CDK5RAP2: variants seen among roughly 807,000 people sequenced by gnomAD.
CDK5RAP2 encodes the protein CDK5 regulatory subunit associated protein 2, also known as CDK5 regulatory subunit-associated protein 2.
Under a neutral mutation model 232.9 loss-of-function variants are expected in CDK5RAP2, and 147 were observed. The ratio of observed to expected loss-of-function variants is 0.63; its 90% CI spans 0.55 to 0.72. The LOEUF (loss-of-function observed/expected upper bound fraction) is 0.72, where lower values mean the gene tolerates loss of function less well. CDK5RAP2 is among the 30% of genes least tolerant of loss of function. The pLI, the probability that CDK5RAP2 is intolerant of heterozygous loss-of-function variation, is 0.00. For missense variants in CDK5RAP2, 2,195 were observed against 2,231.5 expected, an observed-to-expected ratio of 0.98 and a Z score of 0.33; for synonymous variants, 833 against 833.7, an observed-to-expected ratio of 1.00 and a Z score of 0.01.
rs183505924 is a variant in CDK5RAP2 at position 120,552,652 on chromosome 9, A to T, written c.196-1750T>A. ...GGTGGGAATTGAACAATGAGAACAC[A>T]TGGACACAGGAAGGGGAACATCACA... On this transcript the variant is annotated intron_variant, in intron 3 of 37. Coordinates refer to ENST00000349780, the MANE Select transcript of CDK5RAP2 (RefSeq NM_018249.6). 9.2e-3 allele frequency among the ~76,000 whole-genome samples: 1,249 copies of T among 136,208 alleles called. 20 individuals carry two copies. Among genetic ancestry groups the T allele is most frequent in the African/African-American group, 0.032 (1,164 of 36,088 alleles). The allele number at this position is 136,208 out of a possible 152,430, so 89.4% of individuals were successfully genotyped here.
intron 12 of CDK5RAP2, among the ~76,000 whole-genome samples, chr9:120,507,871 C>T (rs1354677499): frequency 8.0e-6 from 1 of 125,786 alleles, no homozygotes; most frequent in Admixed American, 1.0e-4. Flanking sequence ...TGAGAGCTGC[C>T]TCTGCATGGC....
rs547520946 is a variant in CDK5RAP2, at chr9:120,388,983, C to T, written c.*253G>A. ...CCCACCAAGGCGCACAGCCTCAACT[C>T]CGGTGCCTGCCCCTGATCTGAAATA... On this transcript the variant is annotated 3_prime_UTR_variant, in exon 38 of 38. Transcript: ENST00000349780. 36 of 578,992 alleles carry T rather than the reference C, an allele frequency of 6.2e-5. No individual in the cohort carries two copies. Among genetic ancestry groups the T allele is most frequent in the Middle Eastern group, 9.2e-4 (2 of 2,180 alleles). 35.9% of individuals were successfully genotyped at this position (578,992 alleles called of 1,614,324 possible).
intron 22 of CDK5RAP2, among the ~76,000 whole-genome samples, chr9:120,446,054 C>T (rs2036169065): frequency 6.6e-6 from 1 of 152,166 alleles, no homozygotes; most frequent in African/African-American, 2.4e-5. Flanking sequence ...GGTTGGACTA[C>T]CTTTCTTAAA....
intron 11 of CDK5RAP2, among the ~76,000 whole-genome samples, chr9:120,520,654 A>G (rs1449513303): frequency 1.3e-5 from 2 of 151,010 alleles, no homozygotes; most frequent in African/African-American, 4.8e-5. Context: ...AAAAATATAT[A>G]TATATCTCTC....
intron 13 of CDK5RAP2, among the ~76,000 whole-genome samples, chr9:120,489,192 G>A (rs373118481): frequency 1.3e-5 from 2 of 152,142 alleles, no homozygotes; most frequent in East Asian, 3.9e-4. Flanking sequence ...TTCCAATGTT[G>A]CTGCTGAGAA....
intron 25 of CDK5RAP2, among the ~76,000 whole-genome samples, chr9:120,433,004 G>A (rs2035372873): frequency 6.6e-6 from 1 of 152,188 alleles, no homozygotes; most frequent in Non-Finnish European, 1.5e-5. Flanking sequence ...GGAAAAGTCA[G>A]GTACTCCTAT....
chr9:120,434,188 G>A (rs531840367), intron 25 of CDK5RAP2, among the ~76,000 whole-genome samples: 1 of 152,314 alleles, frequency 6.6e-6, no homozygotes, highest in South Asian at 2.1e-4. Context: ...AGCTGTCAAA[G>A]AGCACCTCGT....
chr9:120,423,990 T>C (rs534179931), intron 25 of CDK5RAP2, among the ~76,000 whole-genome samples: 3 of 152,302 alleles, frequency 2.0e-5, no homozygotes, highest in South Asian at 4.1e-4. Flanking sequence ...TCACCTACTA[T>C]GGCAGGGCAC....
At position 120,398,628 on chromosome 9, in the gene CDK5RAP2, C is replaced by T. The variant is rs76200901; in HGVS notation, c.5451+2114G>A. 5.3e-3 allele frequency among the ~76,000 whole-genome samples: 810 copies of T among 152,298 alleles called. 5 individuals are homozygous for T. Among genetic ancestry groups the T allele is most frequent in the Non-Finnish European group, 0.01 (682 of 68,026 alleles). ...TACTTGCTAAGTCAAATCTACAAAA[C>T]AAGGTCTATTCAGAGAAATCTACCT... On this transcript the variant is annotated intron_variant, in intron 35 of 37. Transcript: ENST00000349780.
At chr9:120,467,532 A>C in intron 18 of CDK5RAP2, among the ~76,000 whole-genome samples, 1 of 151,604 alleles carries the variant, frequency 6.6e-6, no homozygotes, top group East Asian at 1.9e-4. Flanking sequence ...GTCTTGAAAA[A>C]CCTTTCGGGT....
At chr9:120,405,136 C>T (rs2033346853) in intron 32 of CDK5RAP2, among the ~76,000 whole-genome samples, 1 of 152,142 alleles carries the variant, frequency 6.6e-6, no homozygotes, top group Non-Finnish European at 1.5e-5. Flanking sequence ...GGCCAAGGAG[C>T]CAGGAGGTCA....
chr9:120,530,828 A>T (rs1389460542), intron 7 of CDK5RAP2, among the ~76,000 whole-genome samples: 1 of 127,262 alleles, frequency 7.9e-6, no homozygotes, highest in African/African-American at 3.0e-5. Flanking sequence ...GGACACAGGA[A>T]GGGGAACATC....
intron 18 of CDK5RAP2, among the ~76,000 whole-genome samples, chr9:120,461,843 G>A (rs1249083617): frequency 3.9e-5 from 6 of 152,118 alleles, no homozygotes; most frequent in African/African-American, 1.2e-4. Context: ...ACCCTGTCTC[G>A]AAAGCAAAAA....
intron 23 of CDK5RAP2, 99 bp downstream of exon 23, chr9:120,443,521 G>C: frequency 7.6e-7 from 1 of 1,316,152 alleles, no homozygotes; most frequent in South Asian, 1.2e-5. Flanking sequence ...AATGCCCTGA[G>C]AGGGCTGCTA....
chr9:120,489,763 T>G (rs959597166), intron 13 of CDK5RAP2, among the ~76,000 whole-genome samples: 2 of 152,112 alleles, frequency 1.3e-5, no homozygotes, highest in African/African-American at 4.8e-5. Flanking sequence ...ATGTTTCTAT[T>G]TCCTCTATGT....
chr9:120,441,197 G>A (rs77950651), intron 23 of CDK5RAP2, among the ~76,000 whole-genome samples: 5 of 152,256 alleles, frequency 3.3e-5, no homozygotes, highest in Non-Finnish European at 5.9e-5. Context: ...GGAAAGTTCC[G>A]TTCAATATAG....
At position 120,491,278 on chromosome 9, in the gene CDK5RAP2, A is replaced by T. The variant is rs201499681; in HGVS notation, c.1482+29T>A. 210 of 1,572,188 alleles carry T rather than the reference A, an allele frequency of 1.3e-4. 2 individuals are homozygous for T. The Middle Eastern group carries it at 5.2e-3, about 39-fold the overall frequency. ...TAAAAAAATCAACCCATGCCAAATTAAAAAATTTAAATACAAAAGTTACAG... is the reference window on the plus strand; with the variant it reads ...TAAAAAAATCAACCCATGCCAAATTTAAAAATTTAAATACAAAAGTTACAG... On this transcript the variant is annotated intron_variant, in intron 13 of 37. Transcript: ENST00000349780.
Position 120,477,573 on chromosome 9 carries a change from G to C in CDK5RAP2, c.1627-123C>G, listed in dbSNP as rs554659247. ...ATCAAACGAAGGTGAGAGAGGCCCT[G>C]TGCCTGGCTCTGGCTCAGGCCACAG... On this transcript the variant is annotated intron_variant, in intron 14 of 37. Coordinates refer to ENST00000349780, the MANE Select transcript of CDK5RAP2 (RefSeq NM_018249.6). 5.1e-6 allele frequency: 4 copies of C among 789,900 alleles called. No homozygotes were observed. The African/African-American group carries it at 6.8e-5, about 13-fold the overall frequency. 48.9% of individuals were successfully genotyped at this position (789,900 alleles called of 1,614,324 possible).
rs145357315 is a variant in CDK5RAP2, at chr9:120,449,772, C to T, written c.2794-1646G>A. On this transcript the variant is annotated intron_variant, in intron 21 of 37. Coordinates refer to ENST00000349780, the MANE Select transcript of CDK5RAP2 (RefSeq NM_018249.6). ...GCCAATAAGCATGTGAAAAGATGCTCAACATCATTAGTCACCAAGGAAAAT... is the reference window on the plus strand; with the variant it reads ...GCCAATAAGCATGTGAAAAGATGCTTAACATCATTAGTCACCAAGGAAAAT... 2.2e-4 allele frequency among the ~76,000 whole-genome samples: 34 copies of T among 152,296 alleles called. No homozygotes were observed. In the East Asian group the frequency reaches 3.1e-3, roughly 14 times the overall value.
Sources: gnomAD v4.1 joint callset for allele counts (sites outside exome capture counted in the v4.1 genomes callset) on GRCh38, gnomAD v4.1.1 for gene constraint, MANE v1.5 for transcripts, NCBI Gene and HGNC (gene_info 2026-07-23, HGNC 2026-07-21) for gene names.